NASP: variants seen among roughly 807,000 people sequenced by gnomAD.
The protein encoded by NASP is NASP histone chaperone.
Under a neutral mutation model 89.5 loss-of-function variants are expected in NASP, and 24 were observed. The observed-to-expected ratio is 0.27, with a 90% confidence interval of 0.19 to 0.38. NASP has a LOEUF of 0.38. Ranked by LOEUF, NASP falls within the 10% of genes least tolerant of loss-of-function variation. The pLI, the probability that NASP is intolerant of heterozygous loss-of-function variation, is 1.00. For missense variants in NASP, 848 were observed against 921.4 expected (o/e 0.92, Z 1.03); for synonymous variants, 306 against 324.7 (o/e 0.94, Z 0.62).
At chr1:45,604,899 T>G (rs763810093) in intron 3 of NASP, 37 bp from the exon 4 acceptor site, 27 of 1,424,818 alleles carry the variant, frequency 1.9e-5, no homozygotes, top group Non-Finnish European at 2.7e-5. Context: ...TTAGATTAGA[T>G]GGTAATTCAG....
intron 6 of NASP, chr1:45,609,538 C>T (rs1037927264): frequency 3.3e-5 from 5 of 152,072 alleles, no homozygotes; most frequent in African/African-American, 1.2e-4. Context: ...AAAAACAAAA[C>T]TCCCATGTCT....
intron 1 of NASP, among the ~76,000 whole-genome samples, chr1:45,584,499 C>T (rs1644498943): frequency 6.6e-6 from 1 of 152,240 alleles, no homozygotes; most frequent in Admixed American, 6.5e-5. Flanking sequence ...CTCCCCCAGC[C>T]CGGGGCGGTT....
At chr1:45,592,562 T>C (rs1643578807) in intron 2 of NASP, among the ~76,000 whole-genome samples, 2 of 152,322 alleles carry the variant, frequency 1.3e-5, no homozygotes, top group Admixed American at 1.3e-4. Context: ...TCACCCAGGC[T>C]GGAGTGCAAT....
At position 45,614,453 on chromosome 1, in the gene NASP, T is replaced by G. The variant is rs140699461; in HGVS notation, c.1666+87T>G. On this transcript the variant is annotated intron_variant, in intron 9 of 14. Coordinates refer to ENST00000350030, the MANE Select transcript of NASP (RefSeq NM_002482.4). ...AGATTCTCTGGAACCGAACTTGATCTTTAAAAAGATAGGTCTGTGTTCCCT... is the reference window on the plus strand; with the variant it reads ...AGATTCTCTGGAACCGAACTTGATCGTTAAAAAGATAGGTCTGTGTTCCCT... 1.3e-4 allele frequency: 138 copies of G among 1,060,374 alleles called. 1 individual carries two copies. In the African/African-American group the frequency reaches 2.0e-3, roughly 16 times the overall value. 65.7% of individuals were successfully genotyped at this position (1,060,374 alleles called of 1,614,324 possible). A position where few individuals can be genotyped will look rare whatever the true frequency, so the allele number is the denominator to read the frequency against.
At chr1:45,601,479 T>TA (rs1317382718) in intron 2 of NASP, among the ~76,000 whole-genome samples, 9 of 152,188 alleles carry the variant, frequency 5.9e-5, no homozygotes, top group Admixed American at 5.9e-4. Context: ...CAGTCAGTCA[T>TA]ATATGCATGG....
chr1:45,613,326 GCT>G (rs1644048874), intron 7 of NASP, 78 bp downstream of exon 7: 1 of 1,494,026 alleles, frequency 6.7e-7, no homozygotes, highest in Non-Finnish European at 9.0e-7. Context: ...TGTTGCCTAG[GCT>G]GGATTGCAGT....
chr1:45,586,075 T>C (rs1033739445), intron 1 of NASP, among the ~76,000 whole-genome samples: 2 of 151,596 alleles, frequency 1.3e-5, no homozygotes, highest in African/African-American at 4.9e-5. Flanking sequence ...TTTATGTATA[T>C]GTGGCTAGAA....
chr1:45,598,618 T>A (rs1434637118), intron 2 of NASP, among the ~76,000 whole-genome samples: 1 of 152,186 alleles, frequency 6.6e-6, no homozygotes, highest in Non-Finnish European at 1.5e-5. Context: ...CCAGTCCCCA[T>A]ATCTCTCCCA....
At chr1:45,600,265 C>A in intron 2 of NASP, 1 of 474,210 alleles carries the variant, frequency 2.1e-6, no homozygotes, top group Non-Finnish European at 2.9e-6. Flanking sequence ...TTTAAAGTAA[C>A]AATTATGAGT....
intron 1 of NASP, among the ~76,000 whole-genome samples, chr1:45,589,516 T>C (rs1373421490): frequency 6.6e-6 from 1 of 152,120 alleles, no homozygotes; most frequent in Admixed American, 6.6e-5. Flanking sequence ...TCATGCTCAT[T>C]CTAAAAATTC....
chr1:45,593,682 A>C (rs1338446541), intron 2 of NASP, among the ~76,000 whole-genome samples: 1 of 150,902 alleles, frequency 6.6e-6, no homozygotes, highest in Non-Finnish European at 1.5e-5. Flanking sequence ...TTTTCTCTTA[A>C]ACGGGAAAAG....
chr1:45,588,642 T>C (rs1306222865), intron 1 of NASP: 1 of 454,006 alleles, frequency 2.2e-6, no homozygotes, highest in Admixed American at 2.4e-5. Context: ...TTTTTTTGTT[T>C]CTCTTAAGAA....
intron 3 of NASP, 110 bp downstream of exon 3, chr1:45,602,475 T>A: frequency 9.5e-7 from 1 of 1,056,998 alleles, no homozygotes; most frequent in African/African-American, 1.6e-5. Context: ...TTTAAAACAT[T>A]TGATTATTTT....
At chr1:45,594,271 G>A (rs905792971) in intron 2 of NASP, among the ~76,000 whole-genome samples, 3 of 151,718 alleles carry the variant, frequency 2.0e-5, no homozygotes, top group African/African-American at 7.3e-5. Context: ...GGAAGTTGCA[G>A]TCAGCCAAGA....
intron 2 of NASP, among the ~76,000 whole-genome samples, chr1:45,601,419 T>C (rs1466593192): frequency 6.6e-6 from 1 of 152,232 alleles, no homozygotes; most frequent in Non-Finnish European, 1.5e-5. Flanking sequence ...GCACCATTTG[T>C]TAGATTATCC....
At chr1:45,608,630 T>A (rs907591860) in intron 6 of NASP, among the ~76,000 whole-genome samples, 3 of 152,006 alleles carry the variant, frequency 2.0e-5, no homozygotes, top group African/African-American at 7.2e-5. Flanking sequence ...TGCAGCATAC[T>A]AGCCAATAAA....
Position 45,614,286 on chromosome 1 carries a change from C to T in NASP, c.1593-7C>T, listed in dbSNP as rs368483764. Reference sequence around the variant, plus strand: ...TTAAGGTTTTTGATCAATTTTCCTTCTTTTAGGCAAGAAACAAAAGAAGCA... The same window carrying T: ...TTAAGGTTTTTGATCAATTTTCCTTTTTTTAGGCAAGAAACAAAAGAAGCA... On this transcript the variant is annotated splice_region_variant and splice_polypyrimidine_tract_variant and intron_variant, in intron 8 of 14. Transcript: ENST00000350030. The T allele has an allele frequency of 1.6e-5, 26 of 1,613,592 alleles. No homozygotes were observed. The highest frequency in any genetic ancestry group is 1.6e-4 in the Middle Eastern group (1 of 6,062).
At chr1:45,599,951 G>GTT (rs1375366938) in intron 2 of NASP, among the ~76,000 whole-genome samples, 2 of 101,944 alleles carry the variant, frequency 2.0e-5, no homozygotes, top group African/African-American at 8.6e-5. Context: ...CTTTTCCTCT[G>GTT]TATTTTTTTT....
chr1:45,605,796 GACGGAGTTTC>G (rs1278229362), intron 4 of NASP: 2 of 129,402 alleles, frequency 1.5e-5, no homozygotes, highest in African/African-American at 5.9e-5. Flanking sequence ...TTTTTTTTAA[GACGGAGTTTC>G]ACTCCTGTCA....
Sources: allele counts gnomAD v4.1 joint callset (sites outside exome capture counted in the v4.1 genomes callset), GRCh38; gene constraint gnomAD v4.1.1; transcripts MANE v1.5; gene names NCBI Gene and HGNC (gene_info 2026-07-23, HGNC 2026-07-21).